The following SOX5 variants were observed in gnomAD, a reference collection of about 807,000 sequenced individuals.
The protein encoded by SOX5 is SRY-box transcription factor 5.
SOX5 carries 9 observed loss-of-function variants against 92.0 expected under a neutral mutation model. The ratio of observed to expected loss-of-function variants is 0.10; its 90% CI spans 0.06 to 0.17. The LOEUF (loss-of-function observed/expected upper bound fraction) is 0.17, where lower values mean the gene tolerates loss of function less well. Among genes scored for constraint, SOX5 ranks in the 10% least tolerant of loss-of-function variants. SOX5 has a pLI of 1.00. For synonymous variants in SOX5, 344 were observed against 336.3 expected (o/e 1.02, Z -0.25); for missense variants, 642 against 944.5 (o/e 0.68, Z 4.20).
intron 4 of SOX5, among the ~76,000 whole-genome samples, chr12:24,039,220 C>A (rs1956305731): frequency 6.6e-6 from 1 of 152,040 alleles, no homozygotes; most frequent in South Asian, 2.1e-4. Context: ...ATGTAGCCAC[C>A]CGAAAAAACA....
chr12:24,361,657 G>A (rs556514073), intron 2 of SOX5, among the ~76,000 whole-genome samples: 4 of 152,140 alleles, frequency 2.6e-5, no homozygotes, highest in Admixed American at 2.0e-4. Flanking sequence ...GCGCATGCAC[G>A]TGCGCACACG....
intron 6 of SOX5, among the ~76,000 whole-genome samples, chr12:23,682,308 T>G (rs2086753087): frequency 1.3e-5 from 2 of 151,864 alleles, no homozygotes; most frequent in South Asian, 2.1e-4. Context: ...AATTTCATTT[T>G]CTGAATAAGT....
chr12:24,014,123 G>A (rs1638980763), intron 4 of SOX5, among the ~76,000 whole-genome samples: 2 of 152,134 alleles, frequency 1.3e-5, no homozygotes, highest in African/African-American at 4.8e-5. Context: ...AATGGATTTC[G>A]GAAACAGAAC....
In SOX5 at chr12:23,743,315, T is replaced by G. The variant is rs76468863; in HGVS notation, c.569-2276A>C. ...TATAGGTCATTTTAATTTTTTTCTTTTTTCTTTTTTTTGAGATAGAGTCTT... is the reference window on the plus strand; with the variant it reads ...TATAGGTCATTTTAATTTTTTTCTTGTTTCTTTTTTTTGAGATAGAGTCTT... On this transcript the variant is annotated intron_variant, in intron 4 of 14. Coordinates refer to ENST00000451604, the MANE Select transcript of SOX5 (RefSeq NM_006940.6). Among the ~76,000 whole-genome samples, 1,204 of 152,152 alleles carry G rather than the reference T, an allele frequency of 7.9e-3. 9 individuals carry two copies. The highest frequency in any genetic ancestry group is 0.012 in the Non-Finnish European group (816 of 67,992).
chr12:24,003,515 G>A (rs535831557), intron 4 of SOX5, among the ~76,000 whole-genome samples: 1 of 151,700 alleles, frequency 6.6e-6, no homozygotes, highest in Admixed American at 6.6e-5. Context: ...TACTAGCAAT[G>A]AATAATATAA....
intron 1 of SOX5, among the ~76,000 whole-genome samples, chr12:24,387,339 T>C (rs1219139753): frequency 6.6e-6 from 1 of 152,234 alleles, no homozygotes; most frequent in Non-Finnish European, 1.5e-5. Flanking sequence ...CAAACTTTCT[T>C]AAAACATTGA....
intron 1 of SOX5, among the ~76,000 whole-genome samples, chr12:24,544,205 A>G (rs906320416): frequency 2.6e-5 from 4 of 152,220 alleles, no homozygotes; most frequent in African/African-American, 7.2e-5. Context: ...TCTTAAGTTC[A>G]GGCACAAGAT....
intron 1 of SOX5, among the ~76,000 whole-genome samples, chr12:24,426,013 C>A (rs112362328): frequency 6.6e-6 from 1 of 151,718 alleles, no homozygotes; most frequent in African/African-American, 2.4e-5. Context: ...AATGGTCAAC[C>A]GAAAAAAACA....
chr12:24,351,366 T>C (rs113612207), intron 2 of SOX5, among the ~76,000 whole-genome samples: 1 of 152,192 alleles, frequency 6.6e-6, no homozygotes, highest in African/African-American at 2.4e-5. Flanking sequence ...ACGTAAATTA[T>C]CGAATATCTC....
intron 1 of SOX5, among the ~76,000 whole-genome samples, chr12:24,377,952 T>G (rs1050158259): frequency 6.6e-6 from 1 of 152,228 alleles, no homozygotes; most frequent in Non-Finnish European, 1.5e-5. Context: ...ATAAAAGGCA[T>G]GTAAATCGCA....
chr12:23,735,612 A>C (rs778965981), intron 5 of SOX5, among the ~76,000 whole-genome samples: 4 of 152,140 alleles, frequency 2.6e-5, no homozygotes, highest in African/African-American at 9.7e-5. Flanking sequence ...GTGCTTCTAA[A>C]TGTGCTTCTC....
At chr12:24,388,739 C>G (rs1448280324) in intron 1 of SOX5, among the ~76,000 whole-genome samples, 1 of 152,128 alleles carries the variant, frequency 6.6e-6, no homozygotes, top group African/African-American at 2.4e-5. Context: ...AAAGAAACTC[C>G]ATGCCCCATC....
intron 9 of SOX5, among the ~76,000 whole-genome samples, chr12:23,579,395 C>A (rs765879771): frequency 2.0e-5 from 3 of 152,124 alleles, no homozygotes; most frequent in Non-Finnish European, 4.4e-5. Flanking sequence ...AACTCACATT[C>A]TTGATCTTTA....
intron 1 of SOX5, among the ~76,000 whole-genome samples, chr12:23,916,891 T>A (rs1033094744): frequency 6.6e-6 from 1 of 152,112 alleles, no homozygotes; most frequent in Non-Finnish European, 1.5e-5. Context: ...CTTTTTAATA[T>A]CTAAAAAAAA....
At chr12:23,995,142 T>G (rs1190806269) in intron 4 of SOX5, among the ~76,000 whole-genome samples, 4 of 152,204 alleles carry the variant, frequency 2.6e-5, no homozygotes, top group African/African-American at 9.7e-5. Context: ...ACAAGATTTG[T>G]GAGAGTCTTT....
At chr12:23,771,374 A>G (rs886887297) in intron 3 of SOX5, among the ~76,000 whole-genome samples, 23 of 152,274 alleles carry the variant, frequency 1.5e-4, no homozygotes, top group African/African-American at 5.1e-4. Flanking sequence ...CCAGTCCCAG[A>G]CATGGTGGAA....
intron 1 of SOX5, among the ~76,000 whole-genome samples, chr12:23,938,553 A>AT (rs1441599288): frequency 6.6e-6 from 1 of 151,058 alleles, no homozygotes; most frequent in African/African-American, 2.4e-5. Flanking sequence ...GAAATGATTC[A>AT]TTTTCGTGAT....
chr12:23,614,944 G>C (rs2076379084), intron 8 of SOX5, among the ~76,000 whole-genome samples: 2 of 152,158 alleles, frequency 1.3e-5, no homozygotes, highest in African/African-American at 4.8e-5. Context: ...TGGGATTACA[G>C]GCGTGTGCCA....
intron 3 of SOX5, among the ~76,000 whole-genome samples, chr12:24,216,275 A>C (rs1565676470): frequency 6.6e-6 from 1 of 151,142 alleles, no homozygotes; most frequent in Non-Finnish European, 1.5e-5. Context: ...CGAGGTCAGG[A>C]GATCAAGACC....
Sources: allele counts gnomAD v4.1 joint callset (sites outside exome capture counted in the v4.1 genomes callset), GRCh38; gene constraint gnomAD v4.1.1; transcripts MANE v1.5; gene names NCBI Gene and HGNC (gene_info 2026-07-23, HGNC 2026-07-21).